The following RABGEF1 variants were observed in gnomAD, a reference collection of about 807,000 sequenced individuals.
RABGEF1 encodes the protein rab5 GDP/GTP exchange factor.
A neutral mutation model predicts 57.3 loss-of-function variants in RABGEF1; 26 were observed. That is an observed-to-expected ratio of 0.45 (90% CI 0.33 to 0.63). The LOEUF (loss-of-function observed/expected upper bound fraction) is 0.63. Ranked by LOEUF, RABGEF1 falls within the 20% of genes least tolerant of loss-of-function variation. The pLI is 0.02. For missense variants in RABGEF1, 464 were observed against 607.6 expected, an observed-to-expected ratio of 0.76 and a Z score of 2.48; for synonymous variants, 185 against 210.7, an observed-to-expected ratio of 0.88 and a Z score of 1.06.
chr7:66,733,279 G>A (rs944730145), intron 2 of RABGEF1, among the ~76,000 whole-genome samples: 20 of 152,144 alleles, frequency 1.3e-4, no homozygotes, highest in Admixed American at 1.2e-3. Flanking sequence ...TCCCAGCCTG[G>A]GGGAGTTGAC....
chr7:66,761,247 C>A (rs2129084412), intron 1 of RABGEF1, among the ~76,000 whole-genome samples: 1 of 152,260 alleles, frequency 6.6e-6, no homozygotes, highest in East Asian at 1.9e-4. Flanking sequence ...AGTGTCAGAT[C>A]ACACAGGGTG....
chr7:66,768,067 A>G (rs1465511502), intron 1 of RABGEF1, among the ~76,000 whole-genome samples: 1 of 152,232 alleles, frequency 6.6e-6, no homozygotes, highest in Non-Finnish European at 1.5e-5. Flanking sequence ...TATTGCTACT[A>G]TAACCGTTTG....
chr7:66,700,406 G>C (rs769465100), intron 1 of RABGEF1, among the ~76,000 whole-genome samples: 13 of 152,138 alleles, frequency 8.5e-5, no homozygotes, highest in Non-Finnish European at 1.5e-4. Context: ...TCCCCGGAAA[G>C]TGTTTGACTC....
At chr7:66,732,616 C>CT (rs1797451989) in intron 2 of RABGEF1, among the ~76,000 whole-genome samples, 1 of 152,136 alleles carries the variant, frequency 6.6e-6, no homozygotes, top group Non-Finnish European at 1.5e-5. Context: ...AGGCAGCCCT[C>CT]TATAACCACC....
At chr7:66,762,592 A>G (rs1804703690) in intron 1 of RABGEF1, among the ~76,000 whole-genome samples, 1 of 151,958 alleles carries the variant, frequency 6.6e-6, no homozygotes, top group Non-Finnish European at 1.5e-5. Flanking sequence ...CTGTCTCAAG[A>G]AAAGAAAAGA....
At chr7:66,750,594 A>G (rs1307417444) in intron 1 of RABGEF1, among the ~76,000 whole-genome samples, 3 of 152,256 alleles carry the variant, frequency 2.0e-5, no homozygotes, top group African/African-American at 4.8e-5. Flanking sequence ...TAAAAGATAC[A>G]TATTTTTCTA....
chr7:66,695,008 G>T (rs1792104978), intron 1 of RABGEF1, among the ~76,000 whole-genome samples: 1 of 152,134 alleles, frequency 6.6e-6, no homozygotes, highest in Non-Finnish European at 1.5e-5. Flanking sequence ...TGGAGGAATG[G>T]CTCAGAAAGA....
At chr7:66,726,215 GTGGGTGCTTATTCATATCTGC>G (rs1281189945) in intron 2 of RABGEF1, among the ~76,000 whole-genome samples, 1 of 152,226 alleles carries the variant, frequency 6.6e-6, no homozygotes, top group Non-Finnish European at 1.5e-5. Context: ...TGCCTAGTCA[GTGGGTGCTTATTCATATCTGC>G]TGGGTGGTAG....
At chr7:66,779,683 A>AC (rs1425430873) in intron 3 of RABGEF1, among the ~76,000 whole-genome samples, 1 of 151,676 alleles carries the variant, frequency 6.6e-6, no homozygotes, top group Non-Finnish European at 1.5e-5. Context: ...AAAAAAAAAA[A>AC]AAAACACCAA....
chr7:66,694,465 C>T (rs1263938223), intron 1 of RABGEF1, among the ~76,000 whole-genome samples: 1 of 152,180 alleles, frequency 6.6e-6, no homozygotes, highest in Non-Finnish European at 1.5e-5. Context: ...TGGGAAAGGA[C>T]CAGGCCACAG....
the RABGEF1 span, chr7:66,669,807 G>A: frequency 6.6e-6 from 1 of 151,890 alleles, no homozygotes; most frequent in South Asian, 2.1e-4. Flanking sequence ...TGGTGGCTCC[G>A]GCCAGAAAAC....
chr7:66,676,169 A>C, the RABGEF1 span, among the ~76,000 whole-genome samples: 1 of 151,982 alleles, frequency 6.6e-6, no homozygotes, highest in African/African-American at 2.4e-5. Flanking sequence ...AAAATACAAA[A>C]ATTAGCCAGG....
the RABGEF1 span, among the ~76,000 whole-genome samples, chr7:66,671,376 A>T: frequency 3.3e-5 from 5 of 149,466 alleles, no homozygotes; most frequent in African/African-American, 4.9e-5. Flanking sequence ...GGAAGTTGTC[A>T]TCTGTGTGGA....
At chr7:66,724,504 C>T (rs149899803) in intron 2 of RABGEF1, among the ~76,000 whole-genome samples, 4,599 of 152,196 alleles carry the variant, frequency 0.03, 100 homozygotes, top group Non-Finnish European at 0.05. Flanking sequence ...AGATTACAGG[C>T]GCATGCCACT....
intron 2 of RABGEF1, among the ~76,000 whole-genome samples, chr7:66,733,453 C>CT (rs1234579762): frequency 2.6e-5 from 4 of 152,162 alleles, no homozygotes; most frequent in African/African-American, 4.8e-5. Context: ...AATCCCAGCA[C>CT]TTTGAGAGGC....
chr7:66,677,442 C>T (rs1355652929), upstream of RABGEF1, among the ~76,000 whole-genome samples: 1 of 152,042 alleles, frequency 6.6e-6, no homozygotes, highest in Non-Finnish European at 1.5e-5. Context: ...AGACAAGTAC[C>T]AACCTGATGG....
the RABGEF1 span, among the ~76,000 whole-genome samples, chr7:66,659,807 A>C: frequency 4.5e-4 from 69 of 151,998 alleles, 1 homozygote; most frequent in Middle Eastern, 0.01. Flanking sequence ...AAAATAAAAA[A>C]TAAAAGAAAG....
chr7:66,665,353 A>G, the RABGEF1 span: 1 of 149,636 alleles, frequency 6.7e-6, no homozygotes, highest in African/African-American at 2.5e-5. Flanking sequence ...TATGTTGCCC[A>G]AGCTGATTTC....
chr7:66,728,499 C>T (rs1367839317), intron 2 of RABGEF1, among the ~76,000 whole-genome samples: 1 of 152,166 alleles, frequency 6.6e-6, no homozygotes, highest in African/African-American at 2.4e-5. Context: ...GATTTCATGA[C>T]CCACAATGGC....
Sources: gnomAD v4.1 joint callset for allele counts (sites outside exome capture counted in the v4.1 genomes callset) on GRCh38, gnomAD v4.1.1 for gene constraint, MANE v1.5 for transcripts, NCBI Gene and HGNC (gene_info 2026-07-23, HGNC 2026-07-21) for gene names.